Variants in CCL14 observed in about 807,000 individuals in gnomAD.
CCL14 encodes C-C motif chemokine 14.
A neutral mutation model predicts 8.2 loss-of-function variants in CCL14; 8 were observed. The ratio of observed to expected loss-of-function variants is 0.98; its 90% CI spans 0.57 to 1.76. The LOEUF (loss-of-function observed/expected upper bound fraction) is 1.76. Among genes scored for constraint, CCL14 ranks in the 40% most tolerant of loss-of-function variants. The pLI is 0.00. For missense variants in CCL14, 127 were observed against 118.3 expected (o/e 1.07, Z -0.34); for synonymous variants, 50 against 43.2 (o/e 1.16, Z -0.62).
In CCL14 at chr17:35,983,527, C is replaced by T. The variant is rs545432934; in HGVS notation, c.*274G>A. The T allele has an allele frequency of 5.2e-5, 23 of 446,080 alleles. No homozygotes were observed. The East Asian group carries it at 8.0e-4, about 16-fold the overall frequency. 27.6% of individuals were successfully genotyped at this position (446,080 alleles called of 1,614,324 possible). A position where few individuals can be genotyped will look rare whatever the true frequency, so the allele number is the denominator to read the frequency against. Reference sequence around the variant, plus strand: ...GCTTCTCACTACCTGCATTGCAGGCCTGACCTATTTTTTGTACCAGGCTCC... The same window carrying T: ...GCTTCTCACTACCTGCATTGCAGGCTTGACCTATTTTTTGTACCAGGCTCC... On this transcript the variant is annotated 3_prime_UTR_variant, in exon 3 of 3. Coordinates refer to ENST00000618404, the MANE Select transcript of CCL14 (RefSeq NM_032963.4).
At chr17:35,984,047 C>G (rs2089715713) in intron 2 of CCL14, among the ~76,000 whole-genome samples, 159 bp from the exon 3 acceptor site, 1 of 152,190 alleles carries the variant, frequency 6.6e-6, no homozygotes, top group Admixed American at 6.5e-5. Context: ...GAGACATACT[C>G]TTCGGTTCCT....
chr17:35,983,869 G>C lies in CCL14; in HGVS notation c.214C>G (p.His72Asp). The change falls in exon 3 of 3, where the codon CAT (histidine) becomes GAT (aspartate). Residue 72 changes from histidine to aspartate, a missense_variant. Transcript: ENST00000618404. ...TCACTGGGGTTGGTACAGACGGAAT[G>C]GCCCCTTTTGGTGATGAAGCTGTGG... ...PGIVFITKRG[H>D]SVCTNPSDKW... 1 of 1,613,866 alleles carries C rather than the reference G, an allele frequency of 6.2e-7. No homozygotes were observed. The highest frequency in any genetic ancestry group is 1.1e-5 in the South Asian group (1 of 91,070).
intron 1 of CCL14, chr17:35,986,014 GCC>G: frequency 1.8e-6 from 1 of 565,158 alleles, no homozygotes; most frequent in South Asian, 2.4e-5. Context: ...ATAGAAAAAT[GCC>G]CTTGAGGGGC....
chr17:35,984,880 G>T, intron 1 of CCL14: 1 of 316,456 alleles, frequency 3.2e-6, no homozygotes, highest in African/African-American at 2.1e-5. Flanking sequence ...ATAGGGATTT[G>T]GAGACATGCC....
intron 1 of CCL14, 51 bp from the exon 2 acceptor site, chr17:35,984,503 AC>A: frequency 8.5e-7 from 1 of 1,175,870 alleles, no homozygotes; most frequent in Non-Finnish European, 1.3e-6. Flanking sequence ...TAAAGGCCAT[AC>A]CATTGGCTGC....
At chr17:35,985,533 A>C (rs992264341) in intron 1 of CCL14, 12 of 580,098 alleles carry the variant, frequency 2.1e-5, no homozygotes, top group Middle Eastern at 4.5e-4. Flanking sequence ...TGTGCATCAC[A>C]ATGGCCTCAG....
intron 1 of CCL14, 187 bp downstream of exon 1, chr17:35,986,384 T>C (rs895739265): frequency 5.9e-5 from 35 of 593,950 alleles, no homozygotes; most frequent in African/African-American, 5.6e-4. Flanking sequence ...CACCACACCA[T>C]GGGGTGAAGT....
intron 1 of CCL14, chr17:35,986,146 A>C: frequency 7.9e-6 from 3 of 380,304 alleles, no homozygotes; most frequent in South Asian, 4.7e-5. Flanking sequence ...GTCTCACTCC[A>C]TGTCCTTGAG....
chr17:35,985,492 GT>G, intron 1 of CCL14: 4 of 536,778 alleles, frequency 7.5e-6, no homozygotes, highest in South Asian at 5.7e-5. Context: ...GTGTGTGCAT[GT>G]TATGTGACCC....
chr17:35,985,826 T>A, intron 1 of CCL14: 1 of 1,528,450 alleles, frequency 6.5e-7, no homozygotes, highest in South Asian at 1.2e-5. Flanking sequence ...AATGGAAGAG[T>A]GATAAATAGT....
intron 2 of CCL14, 54 bp from the exon 3 acceptor site, chr17:35,983,942 A>G: frequency 7.6e-7 from 1 of 1,314,734 alleles, no homozygotes; most frequent in Non-Finnish European, 1.1e-6. Context: ...TGGCCGGAAG[A>G]GACAGCCCAT....
At chr17:35,985,489 CA>C in intron 1 of CCL14, 4 of 531,464 alleles carry the variant, frequency 7.5e-6, no homozygotes, top group South Asian at 5.8e-5. Context: ...CAGGTGTGTG[CA>C]TGTTATGTGA....
chr17:35,985,827 G>A, intron 1 of CCL14: 2 of 1,528,934 alleles, frequency 1.3e-6, no homozygotes, highest in South Asian at 2.4e-5. Context: ...ATGGAAGAGT[G>A]ATAAATAGTT....
Position 35,983,738 on chromosome 17 carries a change from G to C in CCL14, c.*63C>G. On this transcript the variant is annotated 3_prime_UTR_variant, in exon 3 of 3. Transcript: ENST00000618404. ...CTGAGAGTTAGCGGTGGGTGGAGGA[G>C]GGGGCCTTGGCATCTTCTCTTTATG... is the stretch of plus-strand genomic sequence containing the variant. The C allele has an allele frequency of 8.7e-7, 1 of 1,152,066 alleles. No individual in the cohort carries two copies. Among genetic ancestry groups the C allele is most frequent in the Non-Finnish European group, 1.3e-6 (1 of 759,010 alleles). 71.4% of individuals were successfully genotyped at this position (1,152,066 alleles called of 1,614,324 possible). A position where few individuals can be genotyped will look rare whatever the true frequency, so the allele number is the denominator to read the frequency against.
chr17:35,984,228 A>C, intron 2 of CCL14, 110 bp downstream of exon 2: 1 of 802,564 alleles, frequency 1.2e-6, no homozygotes, highest in Admixed American at 2.0e-5. Context: ...CCATGTAGTC[A>C]CACCTGGGAG....
chr17:35,986,418 CAT>C, intron 1 of CCL14, 151 bp downstream of exon 1: 2 of 639,612 alleles, frequency 3.1e-6, no homozygotes, highest in Non-Finnish European at 5.7e-6. Context: ...GTAGATAATT[CAT>C]TTATATAATG....
chr17:35,984,504 C>G lies in CCL14; in HGVS notation c.80-52G>C, dbSNP rs756962710. On this transcript the variant is annotated intron_variant, in intron 1 of 2. Coordinates refer to ENST00000618404, the MANE Select transcript of CCL14 (RefSeq NM_032963.4). Reference sequence around the variant, plus strand: ...GAGGGGCCCCTTGTTAAAGGCCATACCATTGGCTGCTCCTGCAAGCTGAGG... The same window carrying G: ...GAGGGGCCCCTTGTTAAAGGCCATAGCATTGGCTGCTCCTGCAAGCTGAGG... The G allele has an allele frequency of 3.5e-6, 4 of 1,152,810 alleles. No individual in the cohort carries two copies. In the African/African-American group the frequency reaches 6.1e-5, roughly 17 times the overall value. 71.4% of individuals were successfully genotyped at this position (1,152,810 alleles called of 1,614,324 possible).
intron 1 of CCL14, 93 bp downstream of exon 1, chr17:35,986,478 C>T: frequency 3.2e-6 from 3 of 930,990 alleles, no homozygotes; most frequent in Non-Finnish European, 5.2e-6. Flanking sequence ...CTTTCTGAGT[C>T]CCTGCTCCTG....
chr17:35,984,556 A>G lies in CCL14; in HGVS notation c.80-104T>C, dbSNP rs769035837. 3 of 733,546 alleles carry G rather than the reference A, an allele frequency of 4.1e-6. No individual in the cohort carries two copies. The Admixed American group carries it at 6.0e-5, about 15-fold the overall frequency. The allele number at this position is 733,546 out of a possible 1,614,324, so 45.4% of individuals were successfully genotyped here. A position where few individuals can be genotyped will look rare whatever the true frequency, so the allele number is the denominator to read the frequency against. On this transcript the variant is annotated intron_variant, in intron 1 of 2. Coordinates refer to ENST00000618404, the MANE Select transcript of CCL14 (RefSeq NM_032963.4). ...CATGGAGGAGGGAAGGAAGGAGGAG[A>G]CAGCCCCTCAGAACTTGGAGGGGAG...
Sources: allele counts gnomAD v4.1 joint callset (sites outside exome capture counted in the v4.1 genomes callset), GRCh38; gene constraint gnomAD v4.1.1; transcripts MANE v1.5; gene names NCBI Gene and HGNC (gene_info 2026-07-23, HGNC 2026-07-21).